Variants in MGAT4C observed in about 807,000 individuals in gnomAD.
MGAT4C encodes alpha-1,3-mannosyl-glycoprotein 4-beta-N-acetylglucosaminyltransferase C.
In MGAT4C, 19 loss-of-function variants were observed where a neutral mutation model predicts 40.1. The ratio of observed to expected loss-of-function variants is 0.47; its 90% CI spans 0.33 to 0.70. MGAT4C has a LOEUF of 0.70. Ranked by LOEUF, MGAT4C falls within the 30% of genes least tolerant of loss-of-function variation. The pLI, the probability that MGAT4C is intolerant of heterozygous loss-of-function variation, is 0.02. For synonymous variants in MGAT4C, 181 were observed against 187.1 expected, an observed-to-expected ratio of 0.97 and a Z score of 0.27; for missense variants, 491 against 563.2, an observed-to-expected ratio of 0.87 and a Z score of 1.30.
intron 1 of MGAT4C, among the ~76,000 whole-genome samples, chr12:86,184,859 T>C (rs892016463): frequency 2.6e-5 from 4 of 151,418 alleles, no homozygotes; most frequent in African/African-American, 4.8e-5. Context: ...GTATATATAA[T>C]CAAGCTGAAC....
At chr12:86,598,139 C>T (rs1439233532) in intron 2 of MGAT4C, among the ~76,000 whole-genome samples, 1 of 152,028 alleles carries the variant, frequency 6.6e-6, no homozygotes, top group Non-Finnish European at 1.5e-5. Flanking sequence ...ACACAAACAC[C>T]ATTGTGTTAC....
intron 3 of MGAT4C, among the ~76,000 whole-genome samples, chr12:86,409,940 T>C (rs2136244489): frequency 6.6e-6 from 1 of 152,216 alleles, no homozygotes; most frequent in Non-Finnish European, 1.5e-5. Context: ...ACATCTCATA[T>C]CAGTAGGTCT....
chr12:86,252,468 G>A (rs918772078), intron 1 of MGAT4C, among the ~76,000 whole-genome samples: 5 of 151,922 alleles, frequency 3.3e-5, no homozygotes, highest in African/African-American at 1.2e-4. Context: ...TTCTACGTAT[G>A]GATTGGTTTT....
chr12:86,163,631 C>T (rs1885854666), intron 1 of MGAT4C, among the ~76,000 whole-genome samples: 1 of 152,088 alleles, frequency 6.6e-6, no homozygotes, highest in South Asian at 2.1e-4. Context: ...CTAGATCAGT[C>T]TTTTAAATAA....
intron 4 of MGAT4C, among the ~76,000 whole-genome samples, chr12:86,323,790 T>C (rs185338659): frequency 1.9e-4 from 29 of 152,090 alleles, no homozygotes; most frequent in Admixed American, 1.8e-3. Flanking sequence ...AAATTGTTGA[T>C]GCTTCCGACA....
At chr12:86,419,983 A>T (rs1451884776) in intron 3 of MGAT4C, among the ~76,000 whole-genome samples, 2 of 148,736 alleles carry the variant, frequency 1.3e-5, no homozygotes, top group Non-Finnish European at 3.0e-5. Context: ...TCTTTCCCAT[A>T]GTTTAGGAAT....
At chr12:86,217,130 G>A (rs1011626297) in intron 1 of MGAT4C, among the ~76,000 whole-genome samples, 7 of 152,118 alleles carry the variant, frequency 4.6e-5, no homozygotes, top group South Asian at 2.1e-4. Flanking sequence ...AGAAACCAAA[G>A]GACAGTGATC....
At chr12:86,779,738 C>A (rs2136180787) in intron 1 of MGAT4C, among the ~76,000 whole-genome samples, 1 of 152,048 alleles carries the variant, frequency 6.6e-6, no homozygotes, top group Middle Eastern at 3.4e-3. Flanking sequence ...GCGGTGAAAC[C>A]TCATCTCTAC....
intron 2 of MGAT4C, among the ~76,000 whole-genome samples, chr12:86,437,560 G>C (rs999841377): frequency 2.0e-5 from 3 of 151,798 alleles, no homozygotes; most frequent in Non-Finnish European, 4.4e-5. Context: ...ACAAATACAA[G>C]AACACATTGT....
At chr12:86,763,807 A>G (rs1378003556) in intron 1 of MGAT4C, among the ~76,000 whole-genome samples, 2 of 152,182 alleles carry the variant, frequency 1.3e-5, no homozygotes, top group Non-Finnish European at 2.9e-5. Context: ...AATTACACTT[A>G]TAGATCATTT....
chr12:85,989,888 C>A lies in MGAT4C; in HGVS notation c.-6-336G>T, dbSNP rs549248947. On this transcript the variant is annotated intron_variant, in intron 2 of 4. Transcript: ENST00000611864. ...AAGCACAATAGAAAAACAGTCAAGT[C>A]CACTGTCATCAGTGAGGTATAACTT... Among the ~76,000 whole-genome samples, 59 of 152,126 alleles carry A rather than the reference C, an allele frequency of 3.9e-4. No individual in the cohort carries two copies. In the South Asian group the frequency reaches 0.01, roughly 27 times the overall value.
chr12:86,120,403 G>A (rs1592994145), intron 1 of MGAT4C, among the ~76,000 whole-genome samples: 2 of 152,022 alleles, frequency 1.3e-5, no homozygotes, highest in East Asian at 3.9e-4. Flanking sequence ...GGTTCTCCCA[G>A]CACGCAGCTT....
intron 1 of MGAT4C, among the ~76,000 whole-genome samples, chr12:86,240,192 A>G (rs1385514740): frequency 6.7e-6 from 1 of 150,060 alleles, no homozygotes; most frequent in Non-Finnish European, 1.5e-5. Flanking sequence ...ACACATATAT[A>G]TGATATATAT....
At chr12:86,355,828 G>C (rs573198227) in intron 3 of MGAT4C, among the ~76,000 whole-genome samples, 1 of 152,154 alleles carries the variant, frequency 6.6e-6, no homozygotes, top group East Asian at 1.9e-4. Flanking sequence ...AAAAACAACA[G>C]TAATGACAAC....
At chr12:86,568,806 C>T (rs2136419061) in intron 2 of MGAT4C, among the ~76,000 whole-genome samples, 1 of 151,876 alleles carries the variant, frequency 6.6e-6, no homozygotes, top group African/African-American at 2.4e-5. Context: ...TTAACAAAGG[C>T]ACCAAGAACA....
intron 2 of MGAT4C, among the ~76,000 whole-genome samples, chr12:86,639,364 G>C (rs960190101): frequency 1.3e-5 from 2 of 151,524 alleles, no homozygotes; most frequent in Non-Finnish European, 3.0e-5. Flanking sequence ...CTATCAATAA[G>C]AGAACTTTGT....
intron 2 of MGAT4C, among the ~76,000 whole-genome samples, chr12:86,722,502 A>T (rs1035233573): frequency 9.2e-5 from 14 of 152,192 alleles, no homozygotes; most frequent in African/African-American, 3.1e-4. Flanking sequence ...TTATTTTCCC[A>T]TATCTTAATA....
intron 2 of MGAT4C, among the ~76,000 whole-genome samples, chr12:86,675,293 C>T (rs541077001): frequency 6.6e-5 from 10 of 152,212 alleles, no homozygotes; most frequent in African/African-American, 1.9e-4. Context: ...ACTCTCTCTT[C>T]GTAAAAAGAG....
intron 1 of MGAT4C, among the ~76,000 whole-genome samples, chr12:86,170,784 C>T (rs1260967756): frequency 1.3e-5 from 2 of 150,740 alleles, no homozygotes; most frequent in Admixed American, 1.3e-4. Flanking sequence ...AAAAACCCAT[C>T]TCTACAAAAA....
Sources: gnomAD v4.1 joint callset for allele counts (sites outside exome capture counted in the v4.1 genomes callset) on GRCh38, gnomAD v4.1.1 for gene constraint, MANE v1.5 for transcripts, NCBI Gene and HGNC (gene_info 2026-07-23, HGNC 2026-07-21) for gene names.